FAM163A: variants seen among roughly 807,000 people sequenced by gnomAD.
FAM163A encodes family with sequence similarity 163 member A, also known as protein FAM163A.
FAM163A carries 7 observed loss-of-function variants against 12.0 expected under a neutral mutation model. The ratio of observed to expected loss-of-function variants is 0.58; its 90% CI spans 0.33 to 1.10. The LOEUF (loss-of-function observed/expected upper bound fraction) is 1.10, where lower values mean the gene tolerates loss of function less well. FAM163A is among the 50% of genes least tolerant of loss of function. The pLI, the probability that FAM163A is intolerant of heterozygous loss-of-function variation, is 0.03. For synonymous variants in FAM163A, 101 were observed against 91.0 expected (o/e 1.11, Z -0.62); for missense variants, 202 against 218.6 (o/e 0.92, Z 0.48).
chr1:179,812,380 C>A (rs1319344173), intron 3 of FAM163A, among the ~76,000 whole-genome samples: 1 of 152,196 alleles, frequency 6.6e-6, no homozygotes, highest in Admixed American at 6.5e-5. Flanking sequence ...TGCCACACAC[C>A]ACTCCCTCTG....
chr1:179,781,763 G>A (rs959976654), intron 1 of FAM163A, among the ~76,000 whole-genome samples: 1 of 151,878 alleles, frequency 6.6e-6, no homozygotes, highest in African/African-American at 2.4e-5. Context: ...GTGAAACCCC[G>A]TCTCTACTAA....
At chr1:179,802,546 A>G (rs955768846) in intron 1 of FAM163A, among the ~76,000 whole-genome samples, 2 of 152,160 alleles carry the variant, frequency 1.3e-5, no homozygotes, top group Non-Finnish European at 2.9e-5. Flanking sequence ...ACATCTTCAC[A>G]TGTGACACCT....
chr1:179,749,589 C>T (rs752547601), intron 1 of FAM163A, among the ~76,000 whole-genome samples: 8 of 152,208 alleles, frequency 5.3e-5, no homozygotes, highest in South Asian at 2.1e-4. Context: ...CGGTGGCCTA[C>T]GCCTATAATC....
intron 1 of FAM163A, among the ~76,000 whole-genome samples, chr1:179,772,553 G>A (rs747663845): frequency 2.6e-5 from 4 of 152,196 alleles, no homozygotes; most frequent in Non-Finnish European, 5.9e-5. Context: ...CCAGCAATCT[G>A]TTGGTAATTC....
At chr1:179,798,421 A>G (rs1042955014) in intron 1 of FAM163A, among the ~76,000 whole-genome samples, 2 of 152,102 alleles carry the variant, frequency 1.3e-5, no homozygotes, top group African/African-American at 2.4e-5. Flanking sequence ...TTGTTTCAGG[A>G]GCTGCCTCTG....
the FAM163A span, among the ~76,000 whole-genome samples, chr1:179,731,370 G>A: frequency 2.9e-3 from 436 of 152,186 alleles, 4 homozygotes; most frequent in African/African-American, 9.4e-3. Context: ...AGATGACAGC[G>A]AACAAACCAT....
intron 1 of FAM163A, among the ~76,000 whole-genome samples, chr1:179,782,341 A>G (rs1234824234): frequency 6.6e-6 from 1 of 152,028 alleles, no homozygotes; most frequent in Non-Finnish European, 1.5e-5. Context: ...ACACTAATGT[A>G]AGGCTGTGGG....
intron 1 of FAM163A, among the ~76,000 whole-genome samples, chr1:179,781,444 C>T (rs972092248): frequency 6.6e-5 from 10 of 151,910 alleles, no homozygotes; most frequent in South Asian, 6.3e-4. Context: ...ACAGAGTTCT[C>T]GGTTGGTTGA....
At chr1:179,791,620 G>A (rs1691518113) in intron 1 of FAM163A, among the ~76,000 whole-genome samples, 1 of 152,226 alleles carries the variant, frequency 6.6e-6, no homozygotes, top group South Asian at 2.1e-4. Flanking sequence ...GCATGGAGCT[G>A]ATCTTCCAGG....
At chr1:179,809,752 G>A (rs186411697) in intron 2 of FAM163A, among the ~76,000 whole-genome samples, 68 of 152,280 alleles carry the variant, frequency 4.5e-4, no homozygotes, top group Admixed American at 2.2e-3. Context: ...CCCAGCTTCA[G>A]GTCACTCCTA....
chr1:179,755,292 G>A (rs1332423105), intron 1 of FAM163A, among the ~76,000 whole-genome samples: 1 of 152,170 alleles, frequency 6.6e-6, no homozygotes, highest in Non-Finnish European at 1.5e-5. Flanking sequence ...TTGGTCAGGA[G>A]ACTGTGAGGG....
At chr1:179,797,121 C>G (rs750892255) in intron 1 of FAM163A, among the ~76,000 whole-genome samples, 12 of 152,168 alleles carry the variant, frequency 7.9e-5, no homozygotes, top group Admixed American at 1.3e-4. Flanking sequence ...AGGACTGCCC[C>G]CTGCAGAGAA....
At chr1:179,801,937 A>G (rs1243132610) in intron 1 of FAM163A, among the ~76,000 whole-genome samples, 1 of 152,248 alleles carries the variant, frequency 6.6e-6, no homozygotes, top group African/African-American at 2.4e-5. Context: ...ATACCTGTGT[A>G]TCAATAAATG....
chr1:179,736,844 G>A, the FAM163A span, among the ~76,000 whole-genome samples: 35,560 of 151,904 alleles, frequency 0.23, 4,876 homozygotes, highest in East Asian at 0.63. Flanking sequence ...AAGTCAAAAG[G>A]TAACAAGTAT....
chr1:179,753,136 TA>T (rs1016649111), intron 1 of FAM163A, among the ~76,000 whole-genome samples: 8 of 152,188 alleles, frequency 5.3e-5, no homozygotes, highest in Admixed American at 5.2e-4. Context: ...ATTCAGCCTT[TA>T]AAAAGAAGGA....
intron 1 of FAM163A, among the ~76,000 whole-genome samples, chr1:179,765,149 G>T (rs1209207795): frequency 6.6e-6 from 1 of 152,186 alleles, no homozygotes; most frequent in African/African-American, 2.4e-5. Flanking sequence ...GCCGCTGGTG[G>T]AGGCTGGTTT....
chr1:179,765,515 G>A (rs1687366577), intron 1 of FAM163A, among the ~76,000 whole-genome samples: 1 of 152,160 alleles, frequency 6.6e-6, no homozygotes, highest in South Asian at 2.1e-4. Flanking sequence ...GCTGGGGACA[G>A]GGGTGGGAGT....
intron 1 of FAM163A, chr1:179,803,821 C>A (rs1693535043): frequency 6.6e-6 from 1 of 152,006 alleles, no homozygotes; most frequent in South Asian, 2.1e-4. Flanking sequence ...CCCGCCTCGG[C>A]CTCCCAAAGT....
rs550482419 is a variant in FAM163A, at chr1:179,784,006, A to G, written c.-135-23792A>G. On this transcript the variant is annotated intron_variant, in intron 1 of 4. Coordinates refer to ENST00000341785, the MANE Select transcript of FAM163A (RefSeq NM_173509.3). ...TGGCCAGGGGCACATTTGGAATAGA[A>G]GTCCCAAGGGAGAGAGATACAGGTG... Among the ~76,000 whole-genome samples, 28 of 152,132 alleles carry G rather than the reference A, an allele frequency of 1.8e-4. 1 individual carries two copies. Among genetic ancestry groups the G allele is most frequent in the African/African-American group, 6.7e-4 (28 of 41,492 alleles).
Sources: allele counts gnomAD v4.1 joint callset (sites outside exome capture counted in the v4.1 genomes callset), GRCh38; gene constraint gnomAD v4.1.1; transcripts MANE v1.5; gene names NCBI Gene and HGNC (gene_info 2026-07-23, HGNC 2026-07-21).